The following NCOR2 variants were observed in gnomAD, a reference collection of about 807,000 sequenced individuals.
The protein encoded by NCOR2 is nuclear receptor corepressor 2, also known as CTG repeat protein 26.
NCOR2 carries 81 observed loss-of-function variants against 262.9 expected under a neutral mutation model. The observed-to-expected ratio is 0.31, with a 90% CI of 0.26 to 0.37. The LOEUF (loss-of-function observed/expected upper bound fraction) is 0.37. NCOR2 is among the 10% of genes least tolerant of loss of function. The probability of loss-of-function intolerance (pLI) is 1.00; values close to 1 mark genes in which losing one functional copy is unlikely to be tolerated. For synonymous variants in NCOR2, 1,659 were observed against 1,559.3 expected, an observed-to-expected ratio of 1.06 and a Z score of -1.51; for missense variants, 3,385 against 3,621.4, an observed-to-expected ratio of 0.93 and a Z score of 1.68.
chr12:124,392,468 T>C (rs1200538135), intron 16 of NCOR2, among the ~76,000 whole-genome samples: 2 of 152,090 alleles, frequency 1.3e-5, no homozygotes, highest in Non-Finnish European at 2.9e-5. Context: ...CACCGCACCG[T>C]CCCTGCCTGG....
exon 22 of NCOR2, chr12:124,362,260 G>A: frequency 1.5e-6 from 2 of 1,315,250 alleles, no homozygotes; most frequent in Non-Finnish European, 1.9e-6. Flanking sequence ...GGTGGGAGCT[G>A]CGTCCTCCCG....
At chr12:124,349,597 C>A (rs1224112297) in intron 28 of NCOR2, among the ~76,000 whole-genome samples, 3 of 152,166 alleles carry the variant, frequency 2.0e-5, no homozygotes, top group Non-Finnish European at 2.9e-5. Context: ...TCCCCACTCC[C>A]TACAGTCTCA....
intron 19 of NCOR2, among the ~76,000 whole-genome samples, chr12:124,374,052 C>G (rs933853488): frequency 1.3e-5 from 2 of 152,210 alleles, no homozygotes; most frequent in African/African-American, 4.8e-5. Flanking sequence ...TCTCTAGCCC[C>G]CAAACCCACA....
chr12:124,353,386 G>A (rs1014058749), intron 27 of NCOR2, among the ~76,000 whole-genome samples: 5 of 152,218 alleles, frequency 3.3e-5, no homozygotes, highest in African/African-American at 1.2e-4. Flanking sequence ...TTTAAAACCT[G>A]CAGATTTCAG....
chr12:124,333,716 C>G (rs898282607), intron 41 of NCOR2, among the ~76,000 whole-genome samples: 1 of 151,890 alleles, frequency 6.6e-6, no homozygotes, highest in African/African-American at 2.4e-5. Flanking sequence ...GCCCTCCCCT[C>G]TCTTTCTCTT....
At chr12:124,416,186 G>A (rs1407758680) in intron 13 of NCOR2, among the ~76,000 whole-genome samples, 1 of 152,070 alleles carries the variant, frequency 6.6e-6, no homozygotes, top group Non-Finnish European at 1.5e-5. Flanking sequence ...GCAAGTGTGA[G>A]CTGTTATTTA....
intron 28 of NCOR2, 148 bp downstream of exon 30, chr12:124,350,439 G>T: frequency 9.9e-7 from 1 of 1,009,580 alleles, no homozygotes; most frequent in Non-Finnish European, 1.4e-6. Context: ...CCTGCTGCTG[G>T]CTTGCATACC....
Position 124,419,804 on chromosome 12 carries a change from G to A in NCOR2, c.1482+153C>T, listed in dbSNP as rs377009691. 2.1e-4 allele frequency among the ~76,000 whole-genome samples: 32 copies of A among 152,346 alleles called. 1 individual carries two copies. In the South Asian group the frequency reaches 5.6e-3, roughly 27 times the overall value. On this transcript the variant is annotated intron_variant, in intron 13 of 46. Coordinates refer to ENST00000405201, the Ensembl canonical transcript of NCOR2. Reference sequence around the variant, plus strand: ...GTCTCCCCACATCTGCTGCTACCACGGAGGGGAGCCTGCACTCACACTGCC... The same window carrying A: ...GTCTCCCCACATCTGCTGCTACCACAGAGGGGAGCCTGCACTCACACTGCC...
chr12:124,419,458 T>C (rs1315722420), intron 13 of NCOR2, among the ~76,000 whole-genome samples: 3 of 152,198 alleles, frequency 2.0e-5, no homozygotes, highest in Non-Finnish European at 4.4e-5. Context: ...GCGTAAATAA[T>C]CTTTCAGTCT....
intron 1 of NCOR2, among the ~76,000 whole-genome samples, chr12:124,502,260 C>T (rs553122497): frequency 6.6e-6 from 1 of 152,354 alleles, no homozygotes; most frequent in South Asian, 2.1e-4. Context: ...TGGTGGCTCA[C>T]TCTGTCTACC....
exon 43 of NCOR2, chr12:124,332,390 G>A: frequency 6.2e-7 from 1 of 1,614,216 alleles, no homozygotes; most frequent in Non-Finnish European, 8.5e-7. Context: ...CTTGACCATG[G>A]CGGAGTTGCT....
chr12:124,463,837 C>T (rs958205458), intron 5 of NCOR2, among the ~76,000 whole-genome samples: 11 of 152,264 alleles, frequency 7.2e-5, no homozygotes, highest in African/African-American at 2.4e-4. Context: ...CCAGCCCCCA[C>T]GCCCCCAAAC....
intron 1 of NCOR2, among the ~76,000 whole-genome samples, chr12:124,528,046 T>G (rs1051911967): frequency 2.0e-5 from 3 of 152,170 alleles, no homozygotes; most frequent in Admixed American, 1.3e-4. Context: ...CGAGGCCTCC[T>G]GAGGTTTCAC....
intron 29 of NCOR2, 83 bp from the exon 32 acceptor site, chr12:124,347,994 C>T (rs1411528877): frequency 2.0e-6 from 3 of 1,481,090 alleles, no homozygotes; most frequent in Non-Finnish European, 1.8e-6. Flanking sequence ...TTTACAGCCG[C>T]CAGTGGTCAT....
intron 7 of NCOR2, among the ~76,000 whole-genome samples, 193 bp downstream of exon 9, chr12:124,449,622 A>C (rs2045397103): frequency 6.9e-6 from 1 of 143,918 alleles, no homozygotes; most frequent in Admixed American, 6.8e-5. Flanking sequence ...TCAGGGGGAC[A>C]CTCTCTCTGC....
intron 17 of NCOR2, among the ~76,000 whole-genome samples, chr12:124,382,083 C>G (rs991744967): frequency 1.3e-5 from 2 of 152,224 alleles, no homozygotes; most frequent in African/African-American, 4.8e-5. Context: ...GTACTCCAGA[C>G]AGGGCTGGGC....
At chr12:124,428,054 T>TGTGTGC (rs1470828050) in intron 10 of NCOR2, among the ~76,000 whole-genome samples, 1 of 129,070 alleles carries the variant, frequency 7.7e-6, no homozygotes, top group Non-Finnish European at 1.7e-5. Context: ...AGTGTGTGTG[T>TGTGTGC]GTGTGTGTGT....
chr12:124,541,728 T>A, intron 1 of NCOR2, among the ~76,000 whole-genome samples: 1 of 16,016 alleles, frequency 6.2e-5, no homozygotes, highest in African/African-American at 3.7e-4. Flanking sequence ...GGATGGGGAG[T>A]GGAACTGGAG....
At chr12:124,471,174 G>A (rs575809074) in intron 4 of NCOR2, among the ~76,000 whole-genome samples, 8 of 152,306 alleles carry the variant, frequency 5.3e-5, no homozygotes, top group African/African-American at 9.6e-5. Context: ...TGACAGCCAC[G>A]ATGGACACTT....
Sources: gnomAD v4.1 joint callset for allele counts (sites outside exome capture counted in the v4.1 genomes callset) on GRCh38, gnomAD v4.1.1 for gene constraint, MANE v1.5 for transcripts, NCBI Gene and HGNC (gene_info 2026-07-23, HGNC 2026-07-21) for gene names.